The following SGCZ variants were observed in gnomAD, a reference collection of about 807,000 sequenced individuals.
SGCZ encodes the protein sarcoglycan zeta.
Under a neutral mutation model 41.3 loss-of-function variants are expected in SGCZ, and 40 were observed. The ratio of observed to expected loss-of-function variants is 0.97; its 90% confidence interval spans 0.75 to 1.26. SGCZ has a LOEUF of 1.26. Ranked by LOEUF, SGCZ falls within the 50% of genes most tolerant of loss-of-function variation. SGCZ has a pLI of 0.00. For missense variants in SGCZ, 552 were observed against 369.8 expected, an observed-to-expected ratio of 1.49 and a Z score of -4.04; for synonymous variants, 206 against 137.5, an observed-to-expected ratio of 1.50 and a Z score of -3.49.
At chr8:15,091,206 AGATGGGCCCTCATTATGTTGCCCAG>A (rs1027968995) in intron 1 of SGCZ, among the ~76,000 whole-genome samples, 6 of 152,288 alleles carry the variant, frequency 3.9e-5, no homozygotes, top group South Asian at 4.1e-4. Flanking sequence ...TTTCTTTTAC[AGATGGGCCCTCATTATGTTGCCCAG>A]GCTGGCCTGC....
chr8:15,160,392 A>G (rs1227891356), intron 1 of SGCZ, among the ~76,000 whole-genome samples: 1 of 152,102 alleles, frequency 6.6e-6, no homozygotes, highest in East Asian at 1.9e-4. Context: ...TTATCTTTTG[A>G]TAGACTCTTG....
At chr8:14,164,989 T>C (rs920976316) in intron 4 of SGCZ, 3 of 308,144 alleles carry the variant, frequency 9.7e-6, no homozygotes, top group African/African-American at 4.4e-5. Context: ...AAAGAGACAA[T>C]GTTTGCTTTG....
intron 1 of SGCZ, among the ~76,000 whole-genome samples, chr8:14,794,802 T>C (rs1801072411): frequency 1.3e-5 from 2 of 152,326 alleles, no homozygotes; most frequent in South Asian, 2.1e-4. Flanking sequence ...AATCTGATCA[T>C]ATTCAAAGAG....
Position 14,546,270 on chromosome 8 carries a change from G to C in SGCZ, c.234+8462C>G, listed in dbSNP as rs560972818. Among the ~76,000 whole-genome samples the C allele has an allele frequency of 2.2e-3, 342 of 152,268 alleles. 1 individual carries two copies. The highest frequency in any genetic ancestry group is 4.1e-3 in the Non-Finnish European group (282 of 68,026). ...GAGCCCTGTCTCATCTCCAGGGCAAGTGCCATGATGTGCGTGCTGAGGAAT... is the reference window on the plus strand; with the variant it reads ...GAGCCCTGTCTCATCTCCAGGGCAACTGCCATGATGTGCGTGCTGAGGAAT... On this transcript the variant is annotated intron_variant, in intron 2 of 7. Transcript: ENST00000382080.
At chr8:14,495,410 C>T (rs574741178) in intron 2 of SGCZ, among the ~76,000 whole-genome samples, 15 of 152,196 alleles carry the variant, frequency 9.9e-5, no homozygotes, top group Admixed American at 5.9e-4. Context: ...TAGCAGTTTA[C>T]GGACCAAACA....
chr8:14,495,854 G>A (rs1321116106), intron 2 of SGCZ, among the ~76,000 whole-genome samples: 2 of 152,082 alleles, frequency 1.3e-5, no homozygotes, highest in Non-Finnish European at 2.9e-5. Context: ...AAATTTCAGA[G>A]AAAAACAAGC....
At chr8:15,031,899 A>T (rs985106080) in intron 1 of SGCZ, among the ~76,000 whole-genome samples, 3 of 71,772 alleles carry the variant, frequency 4.2e-5, no homozygotes, top group Non-Finnish European at 9.3e-5. Context: ...TACCCTCTAT[A>T]TTCCTCTCTC....
intron 5 of SGCZ, among the ~76,000 whole-genome samples, chr8:14,117,384 A>T (rs1339631082): frequency 7.4e-6 from 1 of 136,018 alleles, no homozygotes; most frequent in Non-Finnish European, 1.5e-5. Flanking sequence ...GAAAGCTTAA[A>T]TTGTGACACT....
intron 1 of SGCZ, among the ~76,000 whole-genome samples, chr8:15,195,334 T>A (rs1585661910): frequency 6.6e-6 from 1 of 152,164 alleles, no homozygotes; most frequent in Admixed American, 6.5e-5. Context: ...TCATGTGGAA[T>A]GATGGAATGT....
intron 1 of SGCZ, among the ~76,000 whole-genome samples, chr8:14,810,174 A>C (rs1399046335): frequency 6.6e-6 from 1 of 152,054 alleles, no homozygotes; most frequent in East Asian, 1.9e-4. Context: ...ATGTTACATA[A>C]AAAAGAAATA....
At chr8:14,695,057 C>T (rs138813263) in intron 1 of SGCZ, among the ~76,000 whole-genome samples, 42 of 152,258 alleles carry the variant, frequency 2.8e-4, no homozygotes, top group Non-Finnish European at 5.4e-4. Flanking sequence ...CAAACTCCTC[C>T]TCTTGCCTGA....
At chr8:14,596,183 T>C (rs370508364) in intron 1 of SGCZ, among the ~76,000 whole-genome samples, 2 of 152,334 alleles carry the variant, frequency 1.3e-5, no homozygotes, top group Admixed American at 6.5e-5. Context: ...TTTGAATGAA[T>C]TGATAGCCCC....
intron 1 of SGCZ, among the ~76,000 whole-genome samples, chr8:14,556,634 T>A (rs1345404715): frequency 6.6e-6 from 1 of 152,056 alleles, no homozygotes; most frequent in Non-Finnish European, 1.5e-5. Flanking sequence ...GTGTCATTCT[T>A]ATTCCTTTGT....
chr8:14,119,624 T>G (rs904575861), intron 5 of SGCZ, among the ~76,000 whole-genome samples: 7 of 152,120 alleles, frequency 4.6e-5, no homozygotes, highest in Non-Finnish European at 1.0e-4. Context: ...AGAGGTTAAC[T>G]TTGTCTTATG....
intron 2 of SGCZ, among the ~76,000 whole-genome samples, chr8:14,435,303 T>C: frequency 6.6e-6 from 1 of 152,164 alleles, no homozygotes; most frequent in Non-Finnish European, 1.5e-5. Context: ...CCTATTAAAA[T>C]CCCAATCATC....
chr8:14,914,863 A>C (rs1383048512), intron 1 of SGCZ, among the ~76,000 whole-genome samples: 2 of 152,150 alleles, frequency 1.3e-5, no homozygotes, highest in South Asian at 4.1e-4. Flanking sequence ...CTCACGATGT[A>C]GAAGAGTTTG....
intron 4 of SGCZ, among the ~76,000 whole-genome samples, chr8:14,206,152 G>A (rs1016634509): frequency 6.6e-6 from 1 of 151,990 alleles, no homozygotes; most frequent in Non-Finnish European, 1.5e-5. Flanking sequence ...ATAAGGTCAA[G>A]TTATTAATAT....
intron 6 of SGCZ, among the ~76,000 whole-genome samples, chr8:14,103,887 T>C (rs1802118151): frequency 6.6e-6 from 1 of 152,214 alleles, no homozygotes; most frequent in Non-Finnish European, 1.5e-5. Context: ...TTACGCACAG[T>C]ATCTAAATGT....
chr8:14,642,536 G>C (rs1410893556), intron 1 of SGCZ, among the ~76,000 whole-genome samples: 1 of 151,300 alleles, frequency 6.6e-6, no homozygotes, highest in Non-Finnish European at 1.5e-5. Context: ...TCTTCTAACA[G>C]CTTAGTTTAA....
Sources: gnomAD v4.1 joint callset for allele counts (sites outside exome capture counted in the v4.1 genomes callset) on GRCh38, gnomAD v4.1.1 for gene constraint, MANE v1.5 for transcripts, NCBI Gene and HGNC (gene_info 2026-07-23, HGNC 2026-07-21) for gene names.